OOSP3: variants seen among roughly 807,000 people sequenced by gnomAD.
The protein encoded by OOSP3 is oocyte secreted protein family member 3, also known as oocyte-secreted protein 3.
intron 2 of OOSP3, among the ~76,000 whole-genome samples, chr11:59,889,313 C>T (rs1172635170): frequency 1.3e-5 from 2 of 151,356 alleles, no homozygotes; most frequent in African/African-American, 2.4e-5. Context: ...CAGTTCTTCT[C>T]TGAGCTTGGC....
chr11:59,879,566 G>A (rs1163884381), intron 1 of OOSP3, among the ~76,000 whole-genome samples: 1 of 151,830 alleles, frequency 6.6e-6, no homozygotes, highest in Non-Finnish European at 1.5e-5. Context: ...TATAGGATAT[G>A]TTTTTGTCTA....
rs149805449 is a variant in OOSP3 at position 59,895,746 on chromosome 11, A to C, written c.501+94A>C. ...GTAAAAGCTCAAATCTCTACTAAGG[A>C]GGGTATTTGTTGTTTAAATAGTGTT... On this transcript the variant is annotated intron_variant, in intron 4 of 4. Transcript: ENST00000646438. The C allele has an allele frequency of 9.2e-3, 3,647 of 397,340 alleles. 141 individuals carry two copies. Among genetic ancestry groups the C allele is most frequent in the African/African-American group, 0.069 (3,349 of 48,726 alleles). 24.6% of individuals were successfully genotyped at this position (397,340 alleles called of 1,614,324 possible). A position where few individuals can be genotyped will look rare whatever the true frequency, so the allele number is the denominator to read the frequency against.
chr11:59,887,097 C>T (rs1853269314), intron 2 of OOSP3, among the ~76,000 whole-genome samples: 1 of 151,472 alleles, frequency 6.6e-6, no homozygotes, highest in African/African-American at 2.4e-5. Flanking sequence ...ACCCCTTTGC[C>T]CACTTTTTAA....
At position 59,880,518 on chromosome 11, in the gene OOSP3, C is replaced by T. The variant is rs558777762; in HGVS notation, c.252+79C>T. On this transcript the variant is annotated intron_variant, in intron 2 of 4. Transcript: ENST00000646438. ...AGTAGTACTGTGTGTACTGTCAGTG[C>T]GAGATTTTTTTATGGCTCTTGAATT... 46 of 397,216 alleles carry T rather than the reference C, an allele frequency of 1.2e-4. No individual in the cohort carries two copies. The South Asian group carries it at 4.1e-3, about 36-fold the overall frequency. The allele number at this position is 397,216 out of a possible 1,614,324, so 24.6% of individuals were successfully genotyped here. A position where few individuals can be genotyped will look rare whatever the true frequency, so the allele number is the denominator to read the frequency against.
chr11:59,890,425 T>A (rs1853300532), intron 2 of OOSP3, among the ~76,000 whole-genome samples: 1 of 152,234 alleles, frequency 6.6e-6, no homozygotes, highest in South Asian at 2.1e-4. Flanking sequence ...TGGTTTTTCC[T>A]TTCCATGTTT....
chr11:59,893,713 C>T (rs1378023840), intron 2 of OOSP3, among the ~76,000 whole-genome samples: 1 of 152,028 alleles, frequency 6.6e-6, no homozygotes, highest in Non-Finnish European at 1.5e-5. Flanking sequence ...GGCAAATCTC[C>T]AATTGGTTCA....
chr11:59,880,611 G>A (rs1294104457), intron 2 of OOSP3, among the ~76,000 whole-genome samples, 172 bp downstream of exon 2: 2 of 152,206 alleles, frequency 1.3e-5, no homozygotes, highest in East Asian at 1.9e-4. Context: ...AAATATCATG[G>A]CACATAGCCC....
At chr11:59,893,254 A>G (rs917574456) in intron 2 of OOSP3, among the ~76,000 whole-genome samples, 1 of 152,264 alleles carries the variant, frequency 6.6e-6, no homozygotes, top group Non-Finnish European at 1.5e-5. Context: ...TAGTAATTCA[A>G]TAAGACATTT....
chr11:59,891,441 AC>A (rs1442754685), intron 2 of OOSP3, among the ~76,000 whole-genome samples: 4 of 151,844 alleles, frequency 2.6e-5, no homozygotes, highest in Non-Finnish European at 5.9e-5. Flanking sequence ...GAGGCTGTTG[AC>A]CTTTGGATGG....
intron 2 of OOSP3, among the ~76,000 whole-genome samples, chr11:59,888,938 G>T (rs569006016): frequency 2.0e-5 from 3 of 152,050 alleles, no homozygotes; most frequent in Admixed American, 2.0e-4. Context: ...GGGCTTCTTT[G>T]TTTGTTTGGT....
rs538688800 is a variant in OOSP3 at position 59,892,700 on chromosome 11, TA to T, written c.253-1367del. On this transcript the variant is annotated intron_variant, in intron 2 of 4. Coordinates refer to ENST00000646438, the Ensembl canonical transcript of OOSP3. ...CAAATAACCAGCATTTCAGGAAAAG[TA>T]AAAAAAAAAAATGACAATTCTCTGA... 6.9e-3 allele frequency among the ~76,000 whole-genome samples: 992 copies of T among 143,236 alleles called. 6 individuals are homozygous for T. The highest frequency in any genetic ancestry group is 0.019 in the African/African-American group (762 of 39,396). 94.0% of individuals were successfully genotyped at this position (143,236 alleles called of 152,430 possible).
intron 2 of OOSP3, among the ~76,000 whole-genome samples, chr11:59,888,103 G>C (rs935979883): frequency 2.1e-4 from 32 of 152,034 alleles, no homozygotes; most frequent in African/African-American, 6.8e-4. Flanking sequence ...CTCTCTGCTT[G>C]TCTGTTGTTG....
intron 2 of OOSP3, among the ~76,000 whole-genome samples, chr11:59,891,330 G>A (rs1009993191): frequency 2.6e-5 from 4 of 152,166 alleles, no homozygotes; most frequent in African/African-American, 9.7e-5. Context: ...AAGAGGTGTT[G>A]TAATCATTTG....
At chr11:59,883,966 T>C (rs1853225814) in intron 2 of OOSP3, among the ~76,000 whole-genome samples, 1 of 152,174 alleles carries the variant, frequency 6.6e-6, no homozygotes, top group Admixed American at 6.5e-5. Context: ...GACAAAATAT[T>C]TCACAGATAA....
intron 2 of OOSP3, among the ~76,000 whole-genome samples, chr11:59,891,878 G>C (rs1853315666): frequency 6.6e-6 from 1 of 152,210 alleles, no homozygotes; most frequent in Non-Finnish European, 1.5e-5. Flanking sequence ...TGTCATCTTA[G>C]GCAGACTGCA....
chr11:59,885,218 C>T (rs1404788737), intron 2 of OOSP3, among the ~76,000 whole-genome samples: 1 of 151,998 alleles, frequency 6.6e-6, no homozygotes, highest in Non-Finnish European at 1.5e-5. Context: ...GGGATAAATC[C>T]CATTTAGTCA....
intron 2 of OOSP3, among the ~76,000 whole-genome samples, chr11:59,888,512 T>A (rs111764455): frequency 1.3e-5 from 2 of 152,232 alleles, no homozygotes; most frequent in Non-Finnish European, 2.9e-5. Flanking sequence ...CATGAAGGGA[T>A]GTTGAATTTT....
At chr11:59,895,248 A>G (rs1488806879) in intron 3 of OOSP3, among the ~76,000 whole-genome samples, 1 of 149,732 alleles carries the variant, frequency 6.7e-6, no homozygotes, top group Non-Finnish European at 1.5e-5. Flanking sequence ...ATCAGAGCTG[A>G]CGTTTTCTGT....
At chr11:59,881,294 G>T (rs1364209813) in intron 2 of OOSP3, among the ~76,000 whole-genome samples, 15 of 152,110 alleles carry the variant, frequency 9.9e-5, no homozygotes, top group African/African-American at 3.4e-4. Context: ...GAACCCGAGA[G>T]GTGGAGGTTG....
Sources: allele counts gnomAD v4.1 joint callset (sites outside exome capture counted in the v4.1 genomes callset), GRCh38; gene constraint gnomAD v4.1.1; transcripts MANE v1.5; gene names NCBI Gene and HGNC (gene_info 2026-07-23, HGNC 2026-07-21).